NAV3: variants seen among roughly 807,000 people sequenced by gnomAD.
NAV3 encodes the protein pore membrane and/or filament interacting like protein 1.
In NAV3, 87 loss-of-function variants were observed where a neutral mutation model predicts 244.7. The ratio of observed to expected loss-of-function variants is 0.36; its 90% CI spans 0.30 to 0.42. NAV3 has a LOEUF of 0.42. Among genes scored for constraint, NAV3 ranks in the 20% least tolerant of loss-of-function variants. The probability of loss-of-function intolerance (pLI) is 1.00; values close to 1 mark genes in which losing one functional copy is unlikely to be tolerated. For missense variants in NAV3, 2,663 were observed against 2,893.3 expected (o/e 0.92, Z 1.83); for synonymous variants, 1,126 against 1,042.2 (o/e 1.08, Z -1.55).
At chr12:78,094,603 G>A (rs1954134066) in intron 12 of NAV3, among the ~76,000 whole-genome samples, 1 of 152,136 alleles carries the variant, frequency 6.6e-6, no homozygotes, top group Non-Finnish European at 1.5e-5. Flanking sequence ...TTATAAATAT[G>A]TACTATTTTA....
chr12:77,980,967 G>C (rs1330710491), intron 5 of NAV3, among the ~76,000 whole-genome samples: 2 of 152,056 alleles, frequency 1.3e-5, no homozygotes, highest in Admixed American at 1.3e-4. Context: ...CTTATTAACT[G>C]CCTGTGGAAA....
At chr12:77,589,079 A>G (rs763787514) in intron 2 of NAV3, among the ~76,000 whole-genome samples, 20 of 152,232 alleles carry the variant, frequency 1.3e-4, no homozygotes, top group Non-Finnish European at 2.2e-4. Flanking sequence ...GAGGATACAG[A>G]TAAAGGATCT....
At chr12:77,958,166 G>A (rs183310802) in intron 3 of NAV3, among the ~76,000 whole-genome samples, 14 of 152,300 alleles carry the variant, frequency 9.2e-5, no homozygotes, top group Admixed American at 5.9e-4. Flanking sequence ...TATTTAGCAA[G>A]TATGTAAGGG....
chr12:78,191,870 C>G (rs56332104), intron 34 of NAV3, among the ~76,000 whole-genome samples: 581 of 152,154 alleles, frequency 3.8e-3, no homozygotes, highest in Non-Finnish European at 7.2e-3. Context: ...TGACAAAACT[C>G]TTTACAAGGT....
chr12:78,182,972 A>G (rs1377358904), intron 30 of NAV3, among the ~76,000 whole-genome samples: 2 of 151,968 alleles, frequency 1.3e-5, no homozygotes, highest in Admixed American at 1.3e-4. Context: ...TAGGCAGGAG[A>G]GAGGATAATT....
chr12:77,603,135 C>T (rs1474793702), intron 2 of NAV3, among the ~76,000 whole-genome samples: 1 of 152,038 alleles, frequency 6.6e-6, no homozygotes, highest in African/African-American at 2.4e-5. Flanking sequence ...TCCATGTTGA[C>T]TTTCAAGGAT....
chr12:78,133,012 C>T (rs558360107), intron 18 of NAV3, among the ~76,000 whole-genome samples: 48 of 152,252 alleles, frequency 3.2e-4, no homozygotes, highest in South Asian at 2.3e-3. Context: ...CTACATCTGT[C>T]TCTCATTTTC....
At chr12:78,121,867 C>A in intron 15 of NAV3, 73 bp from the exon 16 acceptor site, 1 of 1,570,394 alleles carries the variant, frequency 6.4e-7, no homozygotes, top group Non-Finnish European at 8.6e-7. Flanking sequence ...GCTCTGTGTA[C>A]TGTAACCCGA....
chr12:77,688,871 A>G (rs1015315548), intron 2 of NAV3, among the ~76,000 whole-genome samples: 10 of 151,922 alleles, frequency 6.6e-5, no homozygotes, highest in African/African-American at 2.2e-4. Context: ...ATGATTTATA[A>G]GGGGTAAATA....
At chr12:77,902,514 G>A (rs1419450882) in intron 1 of NAV3, among the ~76,000 whole-genome samples, 1 of 152,060 alleles carries the variant, frequency 6.6e-6, no homozygotes, top group African/African-American at 2.4e-5. Context: ...TTTATATGCT[G>A]GATTAACCCA....
intron 12 of NAV3, among the ~76,000 whole-genome samples, chr12:78,092,954 G>A (rs541139563): frequency 6.6e-6 from 1 of 152,106 alleles, no homozygotes; most frequent in South Asian, 2.1e-4. Flanking sequence ...TTAGGTATTA[G>A]CTGGTTGGTT....
chr12:77,866,144 GA>G (rs1230842555), intron 1 of NAV3, among the ~76,000 whole-genome samples: 2 of 151,948 alleles, frequency 1.3e-5, no homozygotes, highest in Non-Finnish European at 1.5e-5. Context: ...ATCTACAACA[GA>G]AAAATAATTC....
At chr12:77,776,620 A>C (rs187223238) in intron 2 of NAV3, among the ~76,000 whole-genome samples, 9 of 152,340 alleles carry the variant, frequency 5.9e-5, no homozygotes, top group African/African-American at 2.2e-4. Context: ...AGTACTATCT[A>C]GGCTCACTAA....
chr12:77,797,902 C>T (rs892328427), intron 2 of NAV3, among the ~76,000 whole-genome samples: 3 of 151,534 alleles, frequency 2.0e-5, no homozygotes, highest in African/African-American at 7.3e-5. Flanking sequence ...GGTACAGTGG[C>T]TCATGCCTGT....
At chr12:77,572,361 A>G (rs1040550077) in intron 2 of NAV3, 2 of 152,902 alleles carry the variant, frequency 1.3e-5, no homozygotes. Flanking sequence ...ATAAAATAAC[A>G]TACTGTTTCA....
chr12:78,073,390 G>A (rs1225011690), intron 12 of NAV3, among the ~76,000 whole-genome samples: 5 of 149,948 alleles, frequency 3.3e-5, no homozygotes, highest in Middle Eastern at 3.2e-3. Context: ...TTATACACCA[G>A]CAACAGACAA....
chr12:78,023,870 G>A (rs973664604), intron 9 of NAV3, among the ~76,000 whole-genome samples: 1 of 151,794 alleles, frequency 6.6e-6, no homozygotes, highest in African/African-American at 2.4e-5. Context: ...TATCTACACG[G>A]GTGTTCTTTC....
intron 12 of NAV3, among the ~76,000 whole-genome samples, chr12:78,107,075 C>T (rs150693865): frequency 1.2e-4 from 19 of 152,174 alleles, no homozygotes; most frequent in African/African-American, 3.4e-4. Context: ...CATATGAAAG[C>T]GAATTCAAAT....
chr12:78,127,455 A>T (rs1437530660), intron 17 of NAV3, among the ~76,000 whole-genome samples: 1 of 152,200 alleles, frequency 6.6e-6, no homozygotes, highest in Non-Finnish European at 1.5e-5. Flanking sequence ...ATTTTGAAGA[A>T]ATAATACTAA....
Sources: allele counts gnomAD v4.1 joint callset (sites outside exome capture counted in the v4.1 genomes callset), GRCh38; gene constraint gnomAD v4.1.1; transcripts MANE v1.5; gene names NCBI Gene and HGNC (gene_info 2026-07-23, HGNC 2026-07-21).